Variants in SGMS2 observed in about 807,000 individuals in gnomAD.
SGMS2 encodes the protein phosphatidylcholine:ceramide cholinephosphotransferase 2.
SGMS2 carries 21 observed loss-of-function variants against 43.8 expected under a neutral mutation model. That is an observed-to-expected ratio of 0.48 (90% confidence interval 0.34 to 0.69). The LOEUF is 0.69. SGMS2 is among the 30% of genes least tolerant of loss of function. The pLI is 0.01. For synonymous variants in SGMS2, 167 were observed against 160.6 expected (o/e 1.04, Z -0.30); for missense variants, 384 against 443.2 (o/e 0.87, Z 1.20).
At chr4:107,859,777 A>T (rs1274239204) in intron 2 of SGMS2, among the ~76,000 whole-genome samples, 7 of 152,112 alleles carry the variant, frequency 4.6e-5, no homozygotes, top group Admixed American at 4.6e-4. Flanking sequence ...CTCTGGGGAA[A>T]CCCCCTTCAG....
intron 6 of SGMS2, among the ~76,000 whole-genome samples, chr4:107,909,800 A>G (rs377336871): frequency 1.2e-4 from 19 of 152,324 alleles, no homozygotes; most frequent in Admixed American, 4.6e-4. Flanking sequence ...CAATTGAAAT[A>G]TTACATTTCC....
At position 107,914,171 on chromosome 4, in the gene SGMS2, A is replaced by T. The variant is rs1277776017; in HGVS notation, c.*3618A>T. ...TGCTGAAAATATTTCTTCTATTAAG[A>T]AGTGCTCTTGACTTCAACACCCAAA... is the stretch of plus-strand genomic sequence containing the variant. On this transcript the variant is annotated 3_prime_UTR_variant, in exon 7 of 7. Transcript: ENST00000690982. The T allele has an allele frequency of 6.6e-6, 1 of 152,106 alleles. No individual in the cohort carries two copies. Among genetic ancestry groups the T allele is most frequent in the African/African-American group, 2.4e-5 (1 of 41,442 alleles). The allele number at this position is 152,106 out of a possible 1,614,324, so 9.4% of individuals were successfully genotyped here.
At chr4:107,891,709 A>C (rs988755813) in intron 2 of SGMS2, among the ~76,000 whole-genome samples, 1 of 152,158 alleles carries the variant, frequency 6.6e-6, no homozygotes, top group Non-Finnish European at 1.5e-5. Context: ...TTTGATTTAC[A>C]TAGGGCATGA....
chr4:107,856,558 AT>A (rs2126024175), intron 1 of SGMS2, among the ~76,000 whole-genome samples: 1 of 152,308 alleles, frequency 6.6e-6, no homozygotes, highest in Non-Finnish European at 1.5e-5. Context: ...ATCTGCTTTA[AT>A]TTTATTTGCG....
intron 1 of SGMS2, among the ~76,000 whole-genome samples, chr4:107,857,369 G>A (rs1483152381): frequency 6.6e-6 from 1 of 151,830 alleles, no homozygotes; most frequent in Non-Finnish European, 1.5e-5. Context: ...TTTTTGGGGG[G>A]TATATACCTA....
At chr4:107,829,432 T>G (rs1725766580) in intron 1 of SGMS2, among the ~76,000 whole-genome samples, 1 of 152,238 alleles carries the variant, frequency 6.6e-6, no homozygotes, top group African/African-American at 2.4e-5. Context: ...AGCCACTTCA[T>G]ACAGATACCC....
At chr4:107,857,196 CT>C (rs1196237290) in intron 1 of SGMS2, among the ~76,000 whole-genome samples, 1 of 152,154 alleles carries the variant, frequency 6.6e-6, no homozygotes, top group African/African-American at 2.4e-5. Flanking sequence ...GTATCACTGC[CT>C]TATTCCTTTC....
chr4:107,890,930 C>T (rs538539890), intron 2 of SGMS2, among the ~76,000 whole-genome samples: 1 of 151,940 alleles, frequency 6.6e-6, no homozygotes, highest in African/African-American at 2.4e-5. Flanking sequence ...ATTTAGGAAA[C>T]AAAACTCAGG....
rs1438888466 is a variant in SGMS2, at chr4:107,914,050, C to T, written c.*3497C>T. ...ATCAAGCATATTATAAGTTATATGC[C>T]ATGTGTTGAAGGCTTTTCTATTTAT... is the stretch of plus-strand genomic sequence containing the variant. On this transcript the variant is annotated 3_prime_UTR_variant, in exon 7 of 7. Coordinates refer to ENST00000690982, the MANE Select transcript of SGMS2 (RefSeq NM_001375905.1). 6.6e-6 allele frequency: 1 copy of T among 151,922 alleles called. No individual in the cohort carries two copies. The highest frequency in any genetic ancestry group is 1.9e-4 in the East Asian group (1 of 5,198). The allele number at this position is 151,922 out of a possible 1,614,324, so 9.4% of individuals were successfully genotyped here.
chr4:107,870,766 T>C (rs573760223), intron 2 of SGMS2, among the ~76,000 whole-genome samples: 4 of 152,262 alleles, frequency 2.6e-5, no homozygotes, highest in Admixed American at 1.3e-4. Context: ...TCTAGGCTGC[T>C]TCTTTGTTTC....
chr4:107,870,700 A>G (rs1405000695), intron 2 of SGMS2, among the ~76,000 whole-genome samples: 3 of 152,174 alleles, frequency 2.0e-5, no homozygotes, highest in South Asian at 4.1e-4. Flanking sequence ...ATGCTTATTG[A>G]TGCAGATTAT....
At chr4:107,890,688 A>G (rs1730133555) in intron 2 of SGMS2, among the ~76,000 whole-genome samples, 1 of 151,984 alleles carries the variant, frequency 6.6e-6, no homozygotes, top group Non-Finnish European at 1.5e-5. Context: ...AAAAAAAAAA[A>G]AAAGACAAGG....
At chr4:107,889,904 T>C (rs916106920) in intron 2 of SGMS2, among the ~76,000 whole-genome samples, 1 of 152,226 alleles carries the variant, frequency 6.6e-6, no homozygotes, top group African/African-American at 2.4e-5. Flanking sequence ...CAATTTTATT[T>C]AGAGACTACC....
intron 4 of SGMS2, among the ~76,000 whole-genome samples, chr4:107,901,653 A>G (rs747439144): frequency 1.5e-4 from 23 of 152,192 alleles, no homozygotes; most frequent in Non-Finnish European, 2.8e-4. Context: ...TTTTTTGCTT[A>G]TAATTTGCTT....
intron 2 of SGMS2, chr4:107,873,335 A>T (rs975986836): frequency 6.6e-6 from 1 of 152,000 alleles, no homozygotes; most frequent in African/African-American, 2.4e-5. Flanking sequence ...CTTACCTCAG[A>T]TTTACCTTCT....
chr4:107,913,823 A>G lies in SGMS2; in HGVS notation c.*3270A>G, dbSNP rs888068786. 2.0e-5 allele frequency: 3 copies of G among 152,108 alleles called. No homozygotes were observed. The highest frequency in any genetic ancestry group is 4.4e-5 in the Non-Finnish European group (3 of 68,020). 9.4% of individuals were successfully genotyped at this position (152,108 alleles called of 1,614,324 possible). ...AATTTGTTGTCTTGGTTTTTTTTAC[A>G]TGACAGAACTCATGCAGTTTCTTTT... On this transcript the variant is annotated 3_prime_UTR_variant, in exon 7 of 7. Coordinates refer to ENST00000690982, the MANE Select transcript of SGMS2 (RefSeq NM_001375905.1).
chr4:107,868,673 G>A lies in SGMS2; in HGVS notation c.-245+10120G>A, dbSNP rs565114301. On this transcript the variant is annotated intron_variant, in intron 2 of 6. Transcript: ENST00000690982. The stretch of plus-strand genomic sequence containing the variant: ...GAGGAGGTTGCAGTGAGCCGAGATC[G>A]TGCCACTGCACTCCAGCCTGGGCGA... 7.9e-5 allele frequency among the ~76,000 whole-genome samples: 12 copies of A among 152,030 alleles called. No individual in the cohort carries two copies. In the East Asian group the frequency reaches 1.7e-3, roughly 22 times the overall value.
intron 2 of SGMS2, among the ~76,000 whole-genome samples, chr4:107,870,537 C>T (rs1728485593): frequency 6.6e-6 from 1 of 152,102 alleles, no homozygotes; most frequent in African/African-American, 2.4e-5. Flanking sequence ...AGATGGAATT[C>T]ATTCCTTTCC....
intron 2 of SGMS2, among the ~76,000 whole-genome samples, chr4:107,890,589 C>A (rs1730121262): frequency 6.6e-6 from 1 of 151,258 alleles, no homozygotes; most frequent in African/African-American, 2.4e-5. Context: ...GCAGGAGAAT[C>A]CCTTGAATCC....
Sources: allele counts gnomAD v4.1 joint callset (sites outside exome capture counted in the v4.1 genomes callset), GRCh38; gene constraint gnomAD v4.1.1; transcripts MANE v1.5; gene names NCBI Gene and HGNC (gene_info 2026-07-23, HGNC 2026-07-21).